CDH13: variants seen among roughly 807,000 people sequenced by gnomAD.
The protein encoded by CDH13 is cadherin 13.
In CDH13, 24 loss-of-function variants were observed where a neutral mutation model predicts 63.8. That is an observed-to-expected ratio of 0.38 (90% confidence interval 0.27 to 0.53). CDH13 has a LOEUF of 0.53. CDH13 is among the 20% of genes least tolerant of loss of function. The probability of loss-of-function intolerance (pLI) is 0.85; values close to 1 mark genes in which losing one functional copy is unlikely to be tolerated. For missense variants in CDH13, 1,049 were observed against 903.1 expected (o/e 1.16, Z -2.07); for synonymous variants, 503 against 355.3 (o/e 1.42, Z -4.67).
At chr16:82,691,283 T>A (rs1915619320) in intron 1 of CDH13, among the ~76,000 whole-genome samples, 1 of 152,206 alleles carries the variant, frequency 6.6e-6, no homozygotes, top group Non-Finnish European at 1.5e-5. Context: ...TCTCCCTATA[T>A]GCCAATGGCT....
intron 6 of CDH13, among the ~76,000 whole-genome samples, chr16:83,352,990 G>C (rs898266400): frequency 6.6e-6 from 1 of 152,214 alleles, no homozygotes; most frequent in African/African-American, 2.4e-5. Context: ...AATACTGCAT[G>C]CTCTCACTTA....
intron 2 of CDH13, among the ~76,000 whole-genome samples, chr16:82,973,124 C>T (rs1289325014): frequency 6.6e-6 from 1 of 152,208 alleles, no homozygotes; most frequent in Admixed American, 6.5e-5. Flanking sequence ...TTATTTAGAA[C>T]AATTAAATGC....
chr16:83,336,740 A>T (rs1462308065), intron 5 of CDH13, among the ~76,000 whole-genome samples: 4 of 152,204 alleles, frequency 2.6e-5, no homozygotes, highest in African/African-American at 9.6e-5. Flanking sequence ...TGTTTTCTAA[A>T]TCATTTCTCT....
chr16:83,601,925 C>G (rs575252246), intron 7 of CDH13, among the ~76,000 whole-genome samples: 1 of 151,500 alleles, frequency 6.6e-6, no homozygotes, highest in East Asian at 2.0e-4. Flanking sequence ...ATACCCTGTC[C>G]CTACTAAAAG....
At chr16:83,645,311 T>A (rs1276030477) in intron 8 of CDH13, among the ~76,000 whole-genome samples, 1 of 152,182 alleles carries the variant, frequency 6.6e-6, no homozygotes, top group Non-Finnish European at 1.5e-5. Context: ...AATCAACTAC[T>A]GCATGTTCTC....
intron 11 of CDH13, among the ~76,000 whole-genome samples, chr16:83,774,455 C>T (rs1373885116): frequency 1.3e-5 from 2 of 152,166 alleles, no homozygotes; most frequent in African/African-American, 4.8e-5. Flanking sequence ...TCACTGCAAC[C>T]TCTGCCTCTT....
intron 6 of CDH13, among the ~76,000 whole-genome samples, chr16:83,355,494 C>A (rs978380992): frequency 6.6e-6 from 1 of 152,334 alleles, no homozygotes; most frequent in Non-Finnish European, 1.5e-5. Context: ...AAATTATCCA[C>A]CCAATAAATT....
intron 2 of CDH13, among the ~76,000 whole-genome samples, chr16:82,992,787 TA>T (rs1160733672): frequency 2.0e-5 from 3 of 152,124 alleles, no homozygotes; most frequent in Non-Finnish European, 4.4e-5. Flanking sequence ...GTTGACCCCA[TA>T]AAAATTAAGC....
At chr16:83,572,546 A>C (rs1216325395) in intron 7 of CDH13, among the ~76,000 whole-genome samples, 1 of 152,124 alleles carries the variant, frequency 6.6e-6, no homozygotes, top group African/African-American at 2.4e-5. Flanking sequence ...TTCGCCTCTT[A>C]AGTCCTCAGT....
chr16:83,479,540 C>G (rs1226129503), intron 6 of CDH13, among the ~76,000 whole-genome samples: 2 of 152,016 alleles, frequency 1.3e-5, no homozygotes, highest in African/African-American at 4.8e-5. Context: ...ACCTGTAGTC[C>G]CAGCTACTCA....
intron 2 of CDH13, chr16:83,023,031 C>T (rs1915487642): frequency 6.6e-6 from 1 of 152,136 alleles, no homozygotes; most frequent in Non-Finnish European, 1.5e-5. Context: ...AAATCTATGC[C>T]TTTTGGATTT....
Position 83,047,786 on chromosome 16 carries a change from G to A in CDH13, c.366+15568G>A, listed in dbSNP as rs1037687324. 1.3e-5 allele frequency among the ~76,000 whole-genome samples: 2 copies of A among 152,272 alleles called. No homozygotes were observed. The highest frequency in any genetic ancestry group is 4.8e-5 in the African/African-American group (2 of 41,560). On this transcript the variant is annotated intron_variant, in intron 3 of 13. Coordinates refer to ENST00000567109, the MANE Select transcript of CDH13 (RefSeq NM_001257.5). The surrounding 1 kb of genome is among the most constrained non-coding windows in gnomAD (Gnocchi z 4.9). Reference sequence around the variant, plus strand: ...AGTCAATTTATTTAGCTCAAACGTTGTGCGGGGCACCACTTTAAGTGCATT... The same window carrying A: ...AGTCAATTTATTTAGCTCAAACGTTATGCGGGGCACCACTTTAAGTGCATT...
intron 1 of CDH13, among the ~76,000 whole-genome samples, chr16:82,682,740 G>A (rs77184973): frequency 0.018 from 2,802 of 152,286 alleles, 165 homozygotes; most frequent in East Asian, 0.13. Context: ...TAATTAATTA[G>A]GAAACGGATG....
At chr16:83,342,353 A>G (rs1468881141) in intron 5 of CDH13, among the ~76,000 whole-genome samples, 2 of 152,266 alleles carry the variant, frequency 1.3e-5, no homozygotes, top group East Asian at 1.9e-4. Flanking sequence ...TCTGCTAACC[A>G]CTGGATACCA....
intron 11 of CDH13, among the ~76,000 whole-genome samples, chr16:83,779,058 T>C (rs1321570878): frequency 6.6e-6 from 1 of 152,156 alleles, no homozygotes; most frequent in Non-Finnish European, 1.5e-5. Flanking sequence ...CTTTTTAGTG[T>C]GTGTCAGAAG....
chr16:83,158,026 C>G (rs28628832), intron 4 of CDH13, among the ~76,000 whole-genome samples: 18,359 of 152,074 alleles, frequency 0.12, 1,102 homozygotes, highest in South Asian at 0.2. Context: ...TGAACTCATT[C>G]CAGGTATCAT....
chr16:83,362,204 A>T (rs17284307), intron 6 of CDH13, among the ~76,000 whole-genome samples: 9 of 152,182 alleles, frequency 5.9e-5, no homozygotes, highest in Admixed American at 5.9e-4. Context: ...CCAGTGATTC[A>T]AGTTACATAC....
chr16:83,607,156 A>G (rs8045384), intron 8 of CDH13, among the ~76,000 whole-genome samples: 100,564 of 152,114 alleles, frequency 0.66, 34,316 homozygotes, highest in African/African-American at 0.84. Flanking sequence ...GGTGGCTCAC[A>G]CCTGTAATCC....
chr16:83,373,842 C>G (rs760640270), intron 6 of CDH13, among the ~76,000 whole-genome samples: 4 of 152,100 alleles, frequency 2.6e-5, no homozygotes, highest in African/African-American at 4.8e-5. Context: ...ATCTGGAAGG[C>G]GTGAGTCCCA....
Sources: gnomAD v4.1 joint callset for allele counts (sites outside exome capture counted in the v4.1 genomes callset) on GRCh38, gnomAD v4.1.1 for gene constraint, Gnocchi (gnomAD v3.1) non-coding constraint, MANE v1.5 for transcripts, NCBI Gene and HGNC (gene_info 2026-07-23, HGNC 2026-07-21) for gene names.